LMF1: variants seen among roughly 807,000 people sequenced by gnomAD.
LMF1 encodes the protein lipase maturation factor 1.
A neutral mutation model predicts 60.6 loss-of-function variants in LMF1; 68 were observed. That is an observed-to-expected ratio of 1.12 (90% CI 0.92 to 1.37). The LOEUF is 1.37. LMF1 is among the 40% of genes most tolerant of loss of function. The pLI is 0.00. For synonymous variants in LMF1, 418 were observed against 324.7 expected (o/e 1.29, Z -3.09); for missense variants, 948 against 767.2 (o/e 1.24, Z -2.78).
At chr16:959,968 T>C (rs944981724) in intron 1 of LMF1, among the ~76,000 whole-genome samples, 4 of 151,180 alleles carry the variant, frequency 2.6e-5, no homozygotes, top group Non-Finnish European at 5.9e-5. Context: ...TACTTACAGA[T>C]GGATAGGTGG....
chr16:862,542 A>G (rs549137646), intron 10 of LMF1, among the ~76,000 whole-genome samples: 1 of 152,272 alleles, frequency 6.6e-6, no homozygotes, highest in East Asian at 1.9e-4. Flanking sequence ...TGGTTTTGGT[A>G]TCAGAGAACC....
chr16:891,095 G>T (rs541356216), intron 5 of LMF1, among the ~76,000 whole-genome samples: 2 of 152,240 alleles, frequency 1.3e-5, no homozygotes, highest in African/African-American at 4.8e-5. Context: ...TCATGGGGGC[G>T]GGAGGGACCC....
At chr16:912,671 C>G (rs545956796) in intron 3 of LMF1, among the ~76,000 whole-genome samples, 15 of 152,322 alleles carry the variant, frequency 9.8e-5, no homozygotes, top group Non-Finnish European at 1.6e-4. Flanking sequence ...TCGCTCACGC[C>G]CCAGGCTCGC....
At chr16:970,123 G>C (rs1182986902) in intron 1 of LMF1, among the ~76,000 whole-genome samples, 1 of 152,210 alleles carries the variant, frequency 6.6e-6, no homozygotes, top group Non-Finnish European at 1.5e-5. Context: ...ACCTCCGCTG[G>C]GAATCTTCCC....
chr16:951,221 A>T (rs2072457507), intron 2 of LMF1, among the ~76,000 whole-genome samples: 1 of 149,846 alleles, frequency 6.7e-6, no homozygotes, highest in South Asian at 2.1e-4. Context: ...TGACAGAGTC[A>T]GCTGACAGAG....
At position 952,744 on chromosome 16, in the gene LMF1, C is replaced by T. The variant is rs1031850556; in HGVS notation, c.503+1613G>A. ...ACCAAGCTGGGCATGCAAGAGCCAGCGCATCCCCAGCTTCCTACACATCCA... is the reference window on the plus strand; with the variant it reads ...ACCAAGCTGGGCATGCAAGAGCCAGTGCATCCCCAGCTTCCTACACATCCA... On this transcript the variant is annotated intron_variant, in intron 2 of 10. Transcript: ENST00000262301. 7.7e-5 allele frequency: 12 copies of T among 154,908 alleles called. 1 individual carries two copies. Among genetic ancestry groups the T allele is most frequent in the Admixed American group, 3.9e-4 (6 of 15,392 alleles). The allele number at this position is 154,908 out of a possible 1,614,324, so 9.6% of individuals were successfully genotyped here. A position where few individuals can be genotyped will look rare whatever the true frequency, so the allele number is the denominator to read the frequency against.
At chr16:892,470 T>C (rs918792512) in intron 5 of LMF1, among the ~76,000 whole-genome samples, 7 of 152,142 alleles carry the variant, frequency 4.6e-5, no homozygotes, top group African/African-American at 1.2e-4. Flanking sequence ...CCAGCCCCCA[T>C]GTGAACACGT....
chr16:863,235 G>A (rs142336848), intron 10 of LMF1, among the ~76,000 whole-genome samples: 1,703 of 152,216 alleles, frequency 0.011, 30 homozygotes, highest in African/African-American at 0.038. Flanking sequence ...CTGCAGTCTC[G>A]GCTCGAGCAA....
At chr16:867,066 G>A (rs1256836027) in intron 10 of LMF1, among the ~76,000 whole-genome samples, 1 of 152,218 alleles carries the variant, frequency 6.6e-6, no homozygotes, top group Non-Finnish European at 1.5e-5. Context: ...ACTCAATGCA[G>A]GCCCACGGTT....
intron 3 of LMF1, among the ~76,000 whole-genome samples, chr16:920,039 G>A (rs1369876078): frequency 6.6e-6 from 1 of 151,090 alleles, no homozygotes; most frequent in Non-Finnish European, 1.5e-5. Flanking sequence ...CACCGGCCCT[G>A]GCCCGTCGGC....
At chr16:909,535 A>C (rs2071053909) in intron 4 of LMF1, among the ~76,000 whole-genome samples, 1 of 151,908 alleles carries the variant, frequency 6.6e-6, no homozygotes. Context: ...ACGCTATACC[A>C]AGCCACGCTA....
intron 2 of LMF1, among the ~76,000 whole-genome samples, chr16:940,452 C>T (rs796318202): frequency 1.8e-4 from 27 of 152,048 alleles, no homozygotes; most frequent in African/African-American, 6.0e-4. Context: ...GGGTCCTCCC[C>T]GCAGGCAGCG....
At chr16:965,610 T>C (rs1256696186) in intron 1 of LMF1, among the ~76,000 whole-genome samples, 1 of 152,096 alleles carries the variant, frequency 6.6e-6, no homozygotes, top group Non-Finnish European at 1.5e-5. Flanking sequence ...GATGGAGAAT[T>C]AGAGATCCGG....
At position 879,748 on chromosome 16, in the gene LMF1, A is replaced by G; in HGVS notation, c.730-11T>C. On this transcript the variant is annotated splice_polypyrimidine_tract_variant and intron_variant, in intron 5 of 10. Coordinates refer to ENST00000262301, the MANE Select transcript of LMF1 (RefSeq NM_022773.4). ...GGGCATCGGCTGGGTCTGCAGGGAC[A>G]GGAGGGGCCGTGAGGTGCCTGGCCG... 1.3e-6 allele frequency: 2 copies of G among 1,568,252 alleles called. No homozygotes were observed. Among genetic ancestry groups the G allele is most frequent in the African/African-American group, 1.4e-5 (1 of 73,618 alleles).
intron 10 of LMF1, among the ~76,000 whole-genome samples, chr16:860,484 C>T (rs1228227918): frequency 2.0e-5 from 3 of 152,036 alleles, no homozygotes; most frequent in South Asian, 2.1e-4. Flanking sequence ...GGACTACAGG[C>T]ATGTGCCACC....
At chr16:937,054 G>A (rs777269723) in intron 2 of LMF1, among the ~76,000 whole-genome samples, 2 of 152,200 alleles carry the variant, frequency 1.3e-5, no homozygotes, top group Non-Finnish European at 2.9e-5. Flanking sequence ...AAATACAAGC[G>A]TTGTGCAGAG....
In LMF1 at chr16:970,909, A is replaced by ATCCGAGTACCCAGTCTTCCGCC; in HGVS notation, c.50_71dup (p.Asp24GlufsTer12). 6.3e-7 allele frequency: 1 copy of ATCCGAGTACCCAGTCTTCCGCC among 1,582,126 alleles called. No individual in the cohort carries two copies. Among genetic ancestry groups the ATCCGAGTACCCAGTCTTCCGCC allele is most frequent in the Non-Finnish European group, 8.6e-7 (1 of 1,165,500 alleles). On this transcript the variant is annotated frameshift_variant, in exon 1 of 11. Transcript: ENST00000262301. LOFTEE classifies it high-confidence loss of function. The stretch of plus-strand genomic sequence containing the variant: ...GCGCGGGCGGCGACTCAGGCTCCGG[A>ATCCGAGTACCCAGTCTTCCGCC]TCCGAGTACCCAGTCTTCCGCCTCC...
chr16:940,614 A>G (rs540958217), intron 2 of LMF1, among the ~76,000 whole-genome samples: 3 of 152,388 alleles, frequency 2.0e-5, no homozygotes, highest in Non-Finnish European at 2.9e-5. Flanking sequence ...GCCGAACCCT[A>G]TTCTGGAAAG....
At chr16:952,412 G>T (rs1361255282) in intron 2 of LMF1, among the ~76,000 whole-genome samples, 1 of 152,140 alleles carries the variant, frequency 6.6e-6, no homozygotes, top group East Asian at 1.9e-4. Flanking sequence ...CTGAGCCTCC[G>T]ACCAGGGAAC....
Sources: gnomAD v4.1 joint callset for allele counts (sites outside exome capture counted in the v4.1 genomes callset) on GRCh38, gnomAD v4.1.1 for gene constraint, MANE v1.5 for transcripts, NCBI Gene and HGNC (gene_info 2026-07-23, HGNC 2026-07-21) for gene names.